The following FOXR1 variants were observed in gnomAD, a reference collection of about 807,000 sequenced individuals.
FOXR1 encodes forkhead box protein R1.
FOXR1 carries 25 observed loss-of-function variants against 34.5 expected under a neutral mutation model. The observed-to-expected ratio is 0.72, with a 90% CI of 0.53 to 1.01. The LOEUF is 1.01. Ranked by LOEUF, FOXR1 falls within the 50% of genes least tolerant of loss-of-function variation. The pLI, the probability that FOXR1 is intolerant of heterozygous loss-of-function variation, is 0.00. For synonymous variants in FOXR1, 153 were observed against 141.6 expected (o/e 1.08, Z -0.57); for missense variants, 373 against 376.2 (o/e 0.99, Z 0.07).
intron 1 of FOXR1, among the ~76,000 whole-genome samples, chr11:118,972,646 G>A (rs1305121237): frequency 5.3e-5 from 8 of 150,678 alleles, no homozygotes; most frequent in African/African-American, 1.7e-4. Context: ...TTTTTGAGAC[G>A]GAGTCTTGCT....
In FOXR1 at chr11:118,979,087, C is replaced by G. The variant is rs901491412; in HGVS notation, c.267C>G (p.Pro89=). ...GCACACTCCCCTCCTCTCAGCCACC[C>G]CAGAAGGAGGAAGATGCCAGCTGCT... ...LTSTLPSSQP[P]QKEEDASCSE... Residue 89 remains proline (P), a synonymous_variant, in exon 3 of 6, where the codon CCC becomes CCG. Coordinates refer to ENST00000317011, the MANE Select transcript of FOXR1 (RefSeq NM_181721.3). The G allele has an allele frequency of 6.2e-7, 1 of 1,607,604 alleles. No homozygotes were observed. The highest frequency in any genetic ancestry group is 1.3e-5 in the African/African-American group (1 of 74,628).
intron 1 of FOXR1, 40 bp downstream of exon 1, chr11:118,972,032 C>G: frequency 2.2e-6 from 2 of 891,568 alleles, no homozygotes; most frequent in Non-Finnish European, 3.0e-6. Context: ...CTGGGCGTGG[C>G]GGAGGGTGGC....
intron 1 of FOXR1, among the ~76,000 whole-genome samples, chr11:118,976,482 A>G (rs116691439): frequency 0.022 from 3,299 of 152,332 alleles, 116 homozygotes; most frequent in African/African-American, 0.075. Flanking sequence ...GATTACAGGC[A>G]TGAGCCGCTG....
chr11:118,976,942 C>T (rs561512917), intron 1 of FOXR1, among the ~76,000 whole-genome samples: 42 of 152,174 alleles, frequency 2.8e-4, no homozygotes, highest in African/African-American at 9.6e-4. Context: ...TAGGAGCTCT[C>T]TATGTATCAG....
At position 118,979,685 on chromosome 11, in the gene FOXR1, C is replaced by A; in HGVS notation, c.611+17C>A. 6.4e-7 allele frequency: 1 copy of A among 1,559,498 alleles called. No individual in the cohort carries two copies. Among genetic ancestry groups the A allele is most frequent in the Non-Finnish European group, 8.7e-7 (1 of 1,151,852 alleles). ...TTTCACTCGGTATGTGCCGGGGGCC[C>A]TGCGAGGAGGGGGAAGTGGGGGCCA... On this transcript the variant is annotated intron_variant, in intron 4 of 5. Transcript: ENST00000317011.
At chr11:118,972,694 C>T (rs1318392642) in intron 1 of FOXR1, among the ~76,000 whole-genome samples, 1 of 151,840 alleles carries the variant, frequency 6.6e-6, no homozygotes, top group Non-Finnish European at 1.5e-5. Flanking sequence ...GCGATCTCGG[C>T]TCACTGCAAC....
intron 1 of FOXR1, among the ~76,000 whole-genome samples, chr11:118,978,075 G>A (rs569483747): frequency 4.8e-4 from 73 of 152,166 alleles, no homozygotes; most frequent in Admixed American, 9.8e-4. Flanking sequence ...AAAATTAGCC[G>A]GGTGTGGTGG....
At chr11:118,972,137 C>CCCG in intron 1 of FOXR1, 145 bp downstream of exon 1, 1 of 533,256 alleles carries the variant, frequency 1.9e-6, no homozygotes. Context: ...GCGCCCCCCC[C>CCCG]CCCCGACGGC....
At position 118,972,019 on chromosome 11, in the gene FOXR1, G is replaced by A. The variant is rs1475287240; in HGVS notation, c.61+27G>A. 6.8e-6 allele frequency: 10 copies of A among 1,467,258 alleles called. No individual in the cohort carries two copies. The East Asian group carries it at 2.6e-4, about 39-fold the overall frequency. 90.9% of individuals were successfully genotyped at this position (1,467,258 alleles called of 1,614,324 possible). ...TGAGTAGCGGGTGGGGTGAGGTGGGGGGCTGGGCGTGGCGGAGGGTGGCCT... is the reference window on the plus strand; with the variant it reads ...TGAGTAGCGGGTGGGGTGAGGTGGGAGGCTGGGCGTGGCGGAGGGTGGCCT... On this transcript the variant is annotated intron_variant, in intron 1 of 5. Coordinates refer to ENST00000317011, the MANE Select transcript of FOXR1 (RefSeq NM_181721.3).
Position 118,976,815 on chromosome 11 carries a change from G to A in FOXR1, c.62-1967G>A, listed in dbSNP as rs79108780. ...ATCTCATTATCTTACAGTGTTTTTC[G>A]TATTATTAATAATGCTGATCATCTC... is the stretch of plus-strand genomic sequence containing the variant. On this transcript the variant is annotated intron_variant, in intron 1 of 5. Transcript: ENST00000317011. 9.6e-3 allele frequency among the ~76,000 whole-genome samples: 1,452 copies of A among 152,002 alleles called. 9 individuals are homozygous for A. The highest frequency in any genetic ancestry group is 0.015 in the Non-Finnish European group (1,036 of 67,984).
intron 1 of FOXR1, among the ~76,000 whole-genome samples, chr11:118,977,956 A>G (rs1435051229): frequency 6.6e-6 from 1 of 152,168 alleles, no homozygotes; most frequent in African/African-American, 2.4e-5. Context: ...GCGGTGGCTC[A>G]AGCCTGTAAT....
intron 1 of FOXR1, among the ~76,000 whole-genome samples, chr11:118,972,725 C>T (rs908112059): frequency 3.9e-5 from 6 of 151,910 alleles, no homozygotes; most frequent in Non-Finnish European, 8.8e-5. Flanking sequence ...CGGGTTCAAA[C>T]GATTCTCCCG....
intron 4 of FOXR1, 79 bp from the exon 5 acceptor site, chr11:118,980,411 C>G (rs1332870973): frequency 4.6e-6 from 7 of 1,509,162 alleles, no homozygotes; most frequent in Non-Finnish European, 6.4e-6. Flanking sequence ...AGCCCCTGGC[C>G]CCTGGGTAGA....
Position 118,971,935 on chromosome 11 carries a change from G to A in FOXR1, c.4G>A (p.Gly2Arg). The A allele has an allele frequency of 1.3e-6, 2 of 1,556,208 alleles. No homozygotes were observed. The highest frequency in any genetic ancestry group is 2.4e-5 in the East Asian group (1 of 41,582). ...CCCGGGACTGCTGGACTGGGACATG[G>A]GGAACGAGCTCTTTCTGGCCTTCAC... M[G>R]NELFLAFTTS... Residue 2 changes from glycine to arginine, a missense_variant, in exon 1 of 6, where the codon GGG becomes AGG. Gly to Arg is a moderately radical substitution (Grantham distance 125). Transcript: ENST00000317011.
At chr11:118,975,608 C>T (rs2134481235) in intron 1 of FOXR1, among the ~76,000 whole-genome samples, 1 of 152,056 alleles carries the variant, frequency 6.6e-6, no homozygotes, top group Middle Eastern at 3.4e-3. Flanking sequence ...AGCCACTGCA[C>T]CTGGTCCCTA....
At chr11:118,972,432 A>G (rs1941722673) in intron 1 of FOXR1, among the ~76,000 whole-genome samples, 1 of 151,710 alleles carries the variant, frequency 6.6e-6, no homozygotes, top group Non-Finnish European at 1.5e-5. Context: ...CCATGGCTGT[A>G]TTCTCACCTC....
chr11:118,975,153 A>G (rs1049858360), intron 1 of FOXR1, among the ~76,000 whole-genome samples: 1 of 152,158 alleles, frequency 6.6e-6, no homozygotes, highest in Non-Finnish European at 1.5e-5. Context: ...ACTAGCAAAA[A>G]AGACTATTGA....
Position 118,979,162 on chromosome 11 carries a change from T to TCC in FOXR1, c.346_347dup (p.Arg117LeufsTer66), listed in dbSNP as rs1941817824. 1 of 1,553,366 alleles carries TCC rather than the reference T, an allele frequency of 6.4e-7. No homozygotes were observed. Among genetic ancestry groups the TCC allele is most frequent in the Non-Finnish European group, 8.7e-7 (1 of 1,153,716 alleles). On this transcript the variant is annotated frameshift_variant, in exon 3 of 6. Coordinates refer to ENST00000317011, the MANE Select transcript of FOXR1 (RefSeq NM_181721.3). LOFTEE classifies it high-confidence loss of function. ...TGTCCCAGTCCTCCAGCAAGCGGTC[T>TCC]CCCCCTCGGAAGCGGTTTGCCTTTT...
At position 118,972,133 on chromosome 11, in the gene FOXR1, C is replaced by T. The variant is rs559205346; in HGVS notation, c.61+141C>T. The T allele has an allele frequency of 1.0e-5, 6 of 574,954 alleles. No homozygotes were observed. In the Admixed American group the frequency reaches 1.6e-4, roughly 16 times the overall value. The allele number at this position is 574,954 out of a possible 1,614,324, so 35.6% of individuals were successfully genotyped here. On this transcript the variant is annotated intron_variant, in intron 1 of 5. Transcript: ENST00000317011. Reference sequence around the variant, plus strand: ...TTGGGGGGCCGAGCGCCCCGCGCCCCCCCCCCCCGACGGCTTAGCTCCGCC... The same window carrying T: ...TTGGGGGGCCGAGCGCCCCGCGCCCTCCCCCCCCGACGGCTTAGCTCCGCC...
Sources: gnomAD v4.1 joint callset for allele counts (sites outside exome capture counted in the v4.1 genomes callset) on GRCh38, gnomAD v4.1.1 for gene constraint, MANE v1.5 for transcripts, NCBI Gene and HGNC (gene_info 2026-07-23, HGNC 2026-07-21) for gene names.